The following CDH13 variants were observed in gnomAD, a reference collection of about 807,000 sequenced individuals.
CDH13 encodes cadherin 13.
CDH13 carries 24 observed loss-of-function variants against 63.8 expected under a neutral mutation model. The observed-to-expected ratio is 0.38, with a 90% CI of 0.27 to 0.53. CDH13 has a LOEUF of 0.53. Ranked by LOEUF, CDH13 falls within the 20% of genes least tolerant of loss-of-function variation. The pLI is 0.85. For synonymous variants in CDH13, 503 were observed against 355.3 expected (o/e 1.42, Z -4.67); for missense variants, 1,049 against 903.1 (o/e 1.16, Z -2.07).
rs144596724 is a variant in CDH13 at position 83,032,784 on chromosome 16, C to T, written c.366+566C>T. On this transcript the variant is annotated intron_variant, in intron 3 of 13. Coordinates refer to ENST00000567109, the MANE Select transcript of CDH13 (RefSeq NM_001257.5). Reference sequence around the variant, plus strand: ...TCTTTTCCTGAAGCCAGGGCAGAGTCAGCCCTATTCACCTGAAAACTCATG... The same window carrying T: ...TCTTTTCCTGAAGCCAGGGCAGAGTTAGCCCTATTCACCTGAAAACTCATG... Among the ~76,000 whole-genome samples the T allele has an allele frequency of 5.0e-3, 763 of 152,300 alleles. 7 individuals carry two copies. Among genetic ancestry groups the T allele is most frequent in the Middle Eastern group, 0.031 (9 of 294 alleles).
chr16:82,689,496 C>T (rs1437826050), intron 1 of CDH13, among the ~76,000 whole-genome samples: 1 of 152,104 alleles, frequency 6.6e-6, no homozygotes. Context: ...ATCTCACAAT[C>T]TAGGTTTATT....
intron 6 of CDH13, among the ~76,000 whole-genome samples, chr16:83,357,507 T>A (rs1322599786): frequency 6.6e-6 from 1 of 152,178 alleles, no homozygotes; most frequent in Non-Finnish European, 1.5e-5. Context: ...CCCAAGAGAC[T>A]ACTACTGCTG....
chr16:83,015,943 C>T (rs1054320121), intron 2 of CDH13, among the ~76,000 whole-genome samples: 1 of 151,742 alleles, frequency 6.6e-6, no homozygotes, highest in Non-Finnish European at 1.5e-5. Context: ...GGGTGGAAAG[C>T]AGCACAAAAG....
chr16:82,770,830 C>G (rs1021398233), intron 1 of CDH13, among the ~76,000 whole-genome samples: 3 of 152,132 alleles, frequency 2.0e-5, no homozygotes, highest in Non-Finnish European at 2.9e-5. Context: ...GCCTCAGCCT[C>G]CCGAGTAGCT....
chr16:82,738,168 A>C (rs950148953), intron 1 of CDH13, among the ~76,000 whole-genome samples: 5 of 152,178 alleles, frequency 3.3e-5, no homozygotes, highest in African/African-American at 1.2e-4. Context: ...TCTGCTCTCA[A>C]AGAGTTTCTT....
At chr16:83,175,681 ACCG>A (rs2038092073) in intron 4 of CDH13, among the ~76,000 whole-genome samples, 1 of 147,126 alleles carries the variant, frequency 6.8e-6, no homozygotes, top group Non-Finnish European at 1.5e-5. Flanking sequence ...ACAAACAAAC[ACCG>A]TCATTCTTAC....
At chr16:82,837,179 A>G (rs2038802624) in intron 1 of CDH13, among the ~76,000 whole-genome samples, 1 of 152,208 alleles carries the variant, frequency 6.6e-6, no homozygotes, top group African/African-American at 2.4e-5. Context: ...GAGTTAGGCC[A>G]CGTGGATTTT....
intron 5 of CDH13, among the ~76,000 whole-genome samples, chr16:83,275,419 C>G (rs2088956451): frequency 1.3e-5 from 2 of 152,170 alleles, no homozygotes; most frequent in African/African-American, 4.8e-5. Context: ...TGAATTCAGA[C>G]AGTGAGCACA....
intron 7 of CDH13, among the ~76,000 whole-genome samples, chr16:83,586,911 T>G (rs984146641): frequency 6.6e-6 from 1 of 152,172 alleles, no homozygotes; most frequent in Non-Finnish European, 1.5e-5. Flanking sequence ...GATTTAGAAT[T>G]AGTTCAATTT....
chr16:83,532,893 G>A (rs1260713773), intron 7 of CDH13, among the ~76,000 whole-genome samples: 1 of 152,212 alleles, frequency 6.6e-6, no homozygotes, highest in East Asian at 1.9e-4. Flanking sequence ...ACGGGAGAGA[G>A]CCAGCGGCCT....
chr16:83,779,404 CT>C (rs1567590232), intron 11 of CDH13, among the ~76,000 whole-genome samples: 2 of 5,822 alleles, frequency 3.4e-4, no homozygotes, highest in Admixed American at 3.4e-3. Context: ...GAGACTCCAT[CT>C]CAAAAAAAAA....
intron 6 of CDH13, among the ~76,000 whole-genome samples, chr16:83,412,099 T>C (rs1226654261): frequency 6.6e-6 from 1 of 152,220 alleles, no homozygotes; most frequent in East Asian, 1.9e-4. Flanking sequence ...ATACCATTAA[T>C]GACCACTTAA....
chr16:83,303,719 G>T (rs1216309308), intron 5 of CDH13, among the ~76,000 whole-genome samples: 1 of 152,120 alleles, frequency 6.6e-6, no homozygotes, highest in Admixed American at 6.5e-5. Context: ...TAGGGGGAAG[G>T]TCAGAGAAAC....
chr16:83,230,941 A>G (rs2039984943), intron 5 of CDH13, among the ~76,000 whole-genome samples: 1 of 152,230 alleles, frequency 6.6e-6, no homozygotes, highest in Non-Finnish European at 1.5e-5. Flanking sequence ...TGAACCAAGC[A>G]TATGCCGGGA....
intron 6 of CDH13, among the ~76,000 whole-genome samples, chr16:83,420,629 T>C (rs1486009674): frequency 1.3e-5 from 2 of 152,182 alleles, no homozygotes; most frequent in Non-Finnish European, 2.9e-5. Context: ...TAATAGGATA[T>C]GTGTATATAT....
At position 83,665,818 on chromosome 16, in the gene CDH13, A is replaced by G. The variant is rs542544334; in HGVS notation, c.1102-4972A>G. Among the ~76,000 whole-genome samples, 3 of 152,270 alleles carry G rather than the reference A, an allele frequency of 2.0e-5. No individual in the cohort carries two copies. In the South Asian group the frequency reaches 6.2e-4, roughly 32 times the overall value. Reference sequence around the variant, plus strand: ...TTATTTCCATCTTCCATGTTAATCTAAAGGTCAACTTTCTGCTCTTGGAGG... The same window carrying G: ...TTATTTCCATCTTCCATGTTAATCTGAAGGTCAACTTTCTGCTCTTGGAGG... On this transcript the variant is annotated intron_variant, in intron 8 of 13. Transcript: ENST00000567109.
At chr16:82,658,248 C>G (rs867780689) in intron 1 of CDH13, among the ~76,000 whole-genome samples, 13 of 152,190 alleles carry the variant, frequency 8.5e-5, no homozygotes, top group African/African-American at 2.9e-4. Context: ...GGGAGGCCAC[C>G]AGGAATGTGG....
chr16:83,208,912 C>G (rs1324577353), intron 4 of CDH13, among the ~76,000 whole-genome samples: 1 of 152,124 alleles, frequency 6.6e-6, no homozygotes, highest in Non-Finnish European at 1.5e-5. Context: ...CTTGGAGGGT[C>G]TCCATTTAAA....
At chr16:83,524,106 G>A (rs2074902043) in intron 7 of CDH13, among the ~76,000 whole-genome samples, 1 of 152,198 alleles carries the variant, frequency 6.6e-6, no homozygotes, top group South Asian at 2.1e-4. Context: ...GAGCTGAAAT[G>A]TCCTCATATC....
Sources: allele counts gnomAD v4.1 joint callset (sites outside exome capture counted in the v4.1 genomes callset), GRCh38; gene constraint gnomAD v4.1.1; transcripts MANE v1.5; gene names NCBI Gene and HGNC (gene_info 2026-07-23, HGNC 2026-07-21).